Variants in PTPRU observed in about 807,000 individuals in gnomAD.
The protein encoded by PTPRU is protein tyrosine phosphatase receptor type U.
In PTPRU, 69 loss-of-function variants were observed where a neutral mutation model predicts 166.3. That is an observed-to-expected ratio of 0.41 (90% confidence interval 0.34 to 0.51). PTPRU has a LOEUF of 0.51. Among genes scored for constraint, PTPRU ranks in the 20% least tolerant of loss-of-function variants. The pLI, the probability that PTPRU is intolerant of heterozygous loss-of-function variation, is 0.09. For synonymous variants in PTPRU, 793 were observed against 814.0 expected (o/e 0.97, Z 0.44); for missense variants, 1,657 against 2,013.7 (o/e 0.82, Z 3.39).
chr1:29,307,110 C>T (rs908396335), intron 18 of PTPRU: 3 of 1,613,176 alleles, frequency 1.9e-6, no homozygotes, highest in Non-Finnish European at 2.5e-6. Flanking sequence ...TGTACTGTTT[C>T]CTCACTGGAA....
In PTPRU at chr1:29,259,442, C is replaced by A. The variant is rs1199588324; in HGVS notation, c.560-7C>A. 1 of 1,610,072 alleles carries A rather than the reference C, an allele frequency of 6.2e-7. No homozygotes were observed. The highest frequency in any genetic ancestry group is 8.5e-7 in the Non-Finnish European group (1 of 1,177,378). ...GCCCAGCTCACGATGCAGCTCTAAC[C>A]CCGCAGCAAAGGCCCCACACTTCTC... On this transcript the variant is annotated splice_polypyrimidine_tract_variant and splice_region_variant and intron_variant, in intron 4 of 29. Transcript: ENST00000373779.
chr1:29,310,314 T>C (rs1687588735), intron 18 of PTPRU, among the ~76,000 whole-genome samples: 1 of 152,046 alleles, frequency 6.6e-6, no homozygotes, highest in Non-Finnish European at 1.5e-5. Context: ...GTGTGGGGGC[T>C]AAGATAACTG....
rs745553611 is a variant in PTPRU at position 29,258,674 on chromosome 1, G to T, written c.375G>T (p.Gly125=). The T allele has an allele frequency of 1.2e-5, 20 of 1,614,094 alleles. No individual in the cohort carries two copies. The highest frequency in any genetic ancestry group is 1.6e-5 in the Non-Finnish European group (19 of 1,180,028). The change falls in exon 3 of 30, where the codon GGG becomes GGT. Residue 125 remains glycine, a synonymous_variant. Transcript: ENST00000373779. Reference sequence around the variant, plus strand: ...TGGGCGTCTACGTGCGCGTTAATGGGGGCCCCCTGGGCAGTGCTGTGTGGA... The same window carrying T: ...TGGGCGTCTACGTGCGCGTTAATGGTGGCCCCCTGGGCAGTGCTGTGTGGA... ...GTLGVYVRVN[G]GPLGSAVWNM... is the part of the protein sequence containing the mutation.
intron 18 of PTPRU, chr1:29,307,216 C>T (rs2151964796): frequency 6.5e-7 from 1 of 1,541,420 alleles, no homozygotes; most frequent in Non-Finnish European, 9.0e-7. Flanking sequence ...GTATCTCAGA[C>T]TCTCTCACGG....
At chr1:29,316,458 CAGAGA>C (rs1276238567) in intron 24 of PTPRU, among the ~76,000 whole-genome samples, 2 of 152,128 alleles carry the variant, frequency 1.3e-5, no homozygotes, top group Admixed American at 6.5e-5. Flanking sequence ...TTTTGTTACC[CAGAGA>C]AGAGAAGTAG....
intron 25 of PTPRU, among the ~76,000 whole-genome samples, chr1:29,318,409 T>C (rs1687997544): frequency 6.6e-6 from 1 of 152,204 alleles, no homozygotes; most frequent in Admixed American, 6.5e-5. Flanking sequence ...CTTTCCCTGC[T>C]TCAAGCTCAG....
intron 1 of PTPRU, 56 bp from the exon 2 acceptor site, chr1:29,255,219 C>A: frequency 6.4e-6 from 10 of 1,573,154 alleles, no homozygotes; most frequent in Middle Eastern, 3.4e-4. Flanking sequence ...CCTCCAGGAG[C>A]CCTCCTGGCC....
chr1:29,313,641 AG>A (rs1175740194), intron 22 of PTPRU, among the ~76,000 whole-genome samples: 1 of 152,168 alleles, frequency 6.6e-6, no homozygotes, highest in East Asian at 1.9e-4. Flanking sequence ...GGATCATTTG[AG>A]GCCCAAAGTT....
At chr1:29,323,562 T>C in intron 27 of PTPRU, 66 bp downstream of exon 27, 3 of 1,611,300 alleles carry the variant, frequency 1.9e-6, no homozygotes, top group Non-Finnish European at 2.5e-6. Flanking sequence ...TTAATGACCC[T>C]CTGTGTCATC....
chr1:29,282,546 A>T, intron 11 of PTPRU, 130 bp from the exon 12 acceptor site: 1 of 1,265,158 alleles, frequency 7.9e-7, no homozygotes, highest in Non-Finnish European at 1.1e-6. Context: ...TTGCCCAGCT[A>T]GTAAGGAGCA....
chr1:29,262,385 C>T (rs902355375), intron 7 of PTPRU, among the ~76,000 whole-genome samples: 6 of 152,214 alleles, frequency 3.9e-5, no homozygotes, highest in East Asian at 1.9e-4. Flanking sequence ...CGGTAGTCCC[C>T]GTGTATCTGA....
At chr1:29,325,093 T>A (rs1688345909) in intron 28 of PTPRU, 98 bp from the exon 29 acceptor site, 2 of 1,489,978 alleles carry the variant, frequency 1.3e-6, no homozygotes, top group South Asian at 2.5e-5. Flanking sequence ...TCCGTCCCTC[T>A]CCTCTAGGCT....
Position 29,307,749 on chromosome 1 carries a change from C to CT in PTPRU, c.2820+2349dup, listed in dbSNP as rs201782011. Among the ~76,000 whole-genome samples, 244 of 117,244 alleles carry CT rather than the reference C, an allele frequency of 2.1e-3. 14 individuals carry two copies. Among genetic ancestry groups the CT allele is most frequent in the African/African-American group, 6.0e-3 (216 of 35,928 alleles). The allele number at this position is 117,244 out of a possible 152,430, so 76.9% of individuals were successfully genotyped here. ...GGATAGTCTGTTTTTAAATATTATG[C>CT]TTTTTTTTTTTTTTTTTTTTTTTTT... On this transcript the variant is annotated intron_variant, in intron 18 of 29. Transcript: ENST00000373779.
intron 1 of PTPRU, among the ~76,000 whole-genome samples, chr1:29,239,885 G>T (rs184735930): frequency 1.8e-3 from 276 of 152,206 alleles, no homozygotes; most frequent in African/African-American, 6.5e-3. Context: ...AACTCAAAGG[G>T]TTTAAAACCC....
rs776661016 is a variant in PTPRU, at chr1:29,304,819, A to G, written c.2713A>G (p.Lys905Glu). ...WDATKKKDKV[K>E]GSRQEPMPAY... The stretch of plus-strand genomic sequence containing the variant: ...CGCCACAAAGAAGAAAGACAAGGTC[A>G]AGGGCAGCCGGCAGGAGCCAATGCC... The change falls in exon 17 of 30, where the codon AAG becomes GAG. Residue 905 changes from lysine to glutamate, a missense_variant. Transcript: ENST00000373779. 6.2e-7 allele frequency: 1 copy of G among 1,612,598 alleles called. No individual in the cohort carries two copies. The highest frequency in any genetic ancestry group is 8.5e-7 in the Non-Finnish European group (1 of 1,178,830).
chr1:29,294,497 A>G (rs1686793527), intron 15 of PTPRU, among the ~76,000 whole-genome samples: 1 of 152,140 alleles, frequency 6.6e-6, no homozygotes, highest in Admixed American at 6.5e-5. Flanking sequence ...TGAATTGCAA[A>G]TATCTCCTCC....
chr1:29,259,900 G>T lies in PTPRU; in HGVS notation c.706G>T (p.Gly236Cys). 3 of 1,532,200 alleles carry T rather than the reference G, an allele frequency of 2.0e-6. No homozygotes were observed. The highest frequency in any genetic ancestry group is 2.6e-6 in the Non-Finnish European group (3 of 1,145,708). 94.9% of individuals were successfully genotyped at this position (1,532,200 alleles called of 1,614,324 possible). The change falls in exon 6 of 30, where the codon GGC becomes TGC. Residue 236 changes from glycine (G) to cysteine (C), a missense_variant. Transcript: ENST00000373779. ...GAGCGGGGCGCTGGTGCCGGCGGCGGGCGTGCGGCACATCAGCCACCGGCG... is the reference window on the plus strand; with the variant it reads ...GAGCGGGGCGCTGGTGCCGGCGGCGTGCGTGCGGCACATCAGCCACCGGCG... The part of the protein sequence containing the change: ...RQSGALVPAA[G>C]VRHISHRRFL...
chr1:29,281,859 G>A (rs917718416), intron 11 of PTPRU, among the ~76,000 whole-genome samples: 2 of 152,220 alleles, frequency 1.3e-5, no homozygotes, highest in Non-Finnish European at 1.5e-5. Context: ...AGACGTGACC[G>A]AGACTGTAAC....
intron 14 of PTPRU, 105 bp downstream of exon 14, chr1:29,284,974 G>T (rs1045401097): frequency 5.6e-6 from 8 of 1,423,910 alleles, no homozygotes; most frequent in Admixed American, 2.4e-5. Context: ...TGTCCTGCAG[G>T]TGTGTGGAGG....
Sources: allele counts gnomAD v4.1 joint callset (sites outside exome capture counted in the v4.1 genomes callset), GRCh38; gene constraint gnomAD v4.1.1; transcripts MANE v1.5; gene names NCBI Gene and HGNC (gene_info 2026-07-23, HGNC 2026-07-21).